The following CNTN6 variants were observed in gnomAD, a reference collection of about 807,000 sequenced individuals.
The protein encoded by CNTN6 is contactin-6.
In CNTN6, 137 loss-of-function variants were observed where a neutral mutation model predicts 122.8. That is an observed-to-expected ratio of 1.12 (90% CI 0.97 to 1.29). CNTN6 has a LOEUF of 1.29. CNTN6 is among the 50% of genes most tolerant of loss of function. CNTN6 has a pLI of 0.00. For synonymous variants in CNTN6, 570 were observed against 426.0 expected (o/e 1.34, Z -4.16); for missense variants, 1,634 against 1,223.4 (o/e 1.34, Z -5.01).
At chr3:1,388,337 C>T (rs1041784971) in intron 20 of CNTN6, among the ~76,000 whole-genome samples, 4 of 145,924 alleles carry the variant, frequency 2.7e-5, no homozygotes, top group Admixed American at 1.4e-4. Context: ...GCCAACAGAC[C>T]TGAAGCTGAG....
intron 7 of CNTN6, among the ~76,000 whole-genome samples, chr3:1,303,533 T>A (rs1271753333): frequency 6.6e-6 from 1 of 152,192 alleles, no homozygotes; most frequent in Non-Finnish European, 1.5e-5. Flanking sequence ...AGAGACTCTT[T>A]CCTAAATAGC....
chr3:1,296,730 A>G (rs1696301336), intron 6 of CNTN6, among the ~76,000 whole-genome samples: 1 of 152,216 alleles, frequency 6.6e-6, no homozygotes, highest in Non-Finnish European at 1.5e-5. Flanking sequence ...GGTCTTCACT[A>G]AGATTTCAGC....
chr3:1,387,990 C>G (rs571944354), intron 20 of CNTN6, among the ~76,000 whole-genome samples: 12 of 152,210 alleles, frequency 7.9e-5, no homozygotes, highest in East Asian at 1.9e-4. Flanking sequence ...GGGGGAGGGG[C>G]GCCCGCCATT....
At chr3:1,115,863 A>C (rs1463376431) in intron 1 of CNTN6, among the ~76,000 whole-genome samples, 1 of 152,216 alleles carries the variant, frequency 6.6e-6, no homozygotes, top group Non-Finnish European at 1.5e-5. Flanking sequence ...AAGGCAACAA[A>C]ACAACACTTA....
chr3:1,352,911 T>A (rs1210949294), intron 12 of CNTN6, among the ~76,000 whole-genome samples: 4 of 151,736 alleles, frequency 2.6e-5, no homozygotes, highest in Admixed American at 2.6e-4. Flanking sequence ...GGTCACAACC[T>A]TTAGTAAGCA....
At chr3:1,353,673 C>T (rs2126079782) in intron 12 of CNTN6, among the ~76,000 whole-genome samples, 1 of 151,534 alleles carries the variant, frequency 6.6e-6, no homozygotes, top group East Asian at 1.9e-4. Flanking sequence ...AATGTGAATG[C>T]TTTATATTTG....
intron 7 of CNTN6, among the ~76,000 whole-genome samples, chr3:1,303,965 T>G (rs1204512647): frequency 1.3e-5 from 2 of 152,158 alleles, no homozygotes; most frequent in African/African-American, 4.8e-5. Context: ...CAGGCCTATT[T>G]GAGCTCTGAA....
intron 1 of CNTN6, among the ~76,000 whole-genome samples, chr3:1,132,963 C>G (rs929598553): frequency 6.6e-6 from 1 of 152,080 alleles, no homozygotes. Context: ...CTATAATATA[C>G]CTGAAATACA....
At chr3:1,369,887 G>C (rs893862371) in intron 12 of CNTN6, among the ~76,000 whole-genome samples, 9 of 146,276 alleles carry the variant, frequency 6.2e-5, no homozygotes, top group Non-Finnish European at 1.1e-4. Context: ...ATTCATTTAT[G>C]TTTTTAAGTT....
Position 1,383,348 on chromosome 3 carries a change from G to T in CNTN6, c.2457G>T (p.Met819Ile), listed in dbSNP as rs184122073. The T allele has an allele frequency of 6.4e-5, 103 of 1,614,058 alleles. No individual in the cohort carries two copies. The African/African-American group carries it at 1.3e-3, about 20-fold the overall frequency. ...TSLQSFSASE[M>I]EVSWNAIAWN... ...TCCAGAGTTTTTCTGCTTCTGAAAT[G>T]GAGGTTTCATGGAATGCTATTGCCT... is the stretch of plus-strand genomic sequence containing the variant. Residue 819 changes from methionine (M) to isoleucine (I), a missense_variant, in exon 19 of 23, where the codon ATG (methionine) becomes ATT (isoleucine). Physicochemically the swap from Met to Ile is conservative, Grantham distance 10. Coordinates refer to ENST00000446702, the MANE Select transcript of CNTN6 (RefSeq NM_001289080.2).
intron 12 of CNTN6, 57 bp downstream of exon 12, chr3:1,352,508 TG>T: frequency 6.3e-7 from 1 of 1,582,018 alleles, no homozygotes; most frequent in Non-Finnish European, 8.7e-7. Flanking sequence ...AGGCATATTA[TG>T]ACTTGTGTTA....
intron 11 of CNTN6, among the ~76,000 whole-genome samples, chr3:1,344,288 C>T (rs982859662): frequency 6.6e-6 from 1 of 152,112 alleles, no homozygotes; most frequent in Admixed American, 6.5e-5. Context: ...TCACTTCAAG[C>T]CATAGTCACA....
chr3:1,216,503 T>C (rs957035633), intron 2 of CNTN6, among the ~76,000 whole-genome samples: 18 of 152,328 alleles, frequency 1.2e-4, no homozygotes, highest in Middle Eastern at 3.4e-3. Flanking sequence ...TCTCACACAT[T>C]TCATTAGGCA....
At chr3:1,102,924 G>A (rs1281432223) in intron 1 of CNTN6, among the ~76,000 whole-genome samples, 15 of 150,606 alleles carry the variant, frequency 1.0e-4, no homozygotes, top group East Asian at 4.0e-4. Context: ...TGGCTAACAC[G>A]GTGAAACCCC....
chr3:1,147,099 A>T (rs2125166609), intron 1 of CNTN6, among the ~76,000 whole-genome samples: 1 of 152,128 alleles, frequency 6.6e-6, no homozygotes, highest in East Asian at 1.9e-4. Context: ...ATTATTTATT[A>T]TCATCACACT....
At chr3:1,112,744 C>A (rs1387169668) in intron 1 of CNTN6, among the ~76,000 whole-genome samples, 4 of 152,036 alleles carry the variant, frequency 2.6e-5, no homozygotes, top group African/African-American at 9.7e-5. Context: ...TCAGATTGAT[C>A]CCTAAAATTA....
chr3:1,369,374 G>C (rs1201642544), intron 12 of CNTN6, among the ~76,000 whole-genome samples: 1 of 123,790 alleles, frequency 8.1e-6, no homozygotes, highest in Non-Finnish European at 1.6e-5. Context: ...TTTTTGACTT[G>C]CTGCGGGTTT....
intron 2 of CNTN6, among the ~76,000 whole-genome samples, chr3:1,161,260 G>GATAT (rs200977178): frequency 2.3e-4 from 23 of 99,848 alleles, no homozygotes; most frequent in African/African-American, 6.6e-4. Flanking sequence ...ATATATATAT[G>GATAT]ATATATATAT....
At chr3:1,334,457 A>G (rs916178651) in intron 11 of CNTN6, among the ~76,000 whole-genome samples, 1 of 152,056 alleles carries the variant, frequency 6.6e-6, no homozygotes, top group Non-Finnish European at 1.5e-5. Flanking sequence ...AGGAAATATT[A>G]AACACTATAT....
Sources: gnomAD v4.1 joint callset for allele counts (sites outside exome capture counted in the v4.1 genomes callset) on GRCh38, gnomAD v4.1.1 for gene constraint, MANE v1.5 for transcripts, NCBI Gene and HGNC (gene_info 2026-07-23, HGNC 2026-07-21) for gene names.